PAPPA2: variants seen among roughly 807,000 people sequenced by gnomAD.
PAPPA2 encodes the protein pappalysin-2.
Under a neutral mutation model 176.4 loss-of-function variants are expected in PAPPA2, and 86 were observed. The observed-to-expected ratio is 0.49, with a 90% CI of 0.41 to 0.58. The LOEUF (loss-of-function observed/expected upper bound fraction) is 0.58, where lower values mean the gene tolerates loss of function less well. Ranked by LOEUF, PAPPA2 falls within the 20% of genes least tolerant of loss-of-function variation. The pLI, the probability that PAPPA2 is intolerant of heterozygous loss-of-function variation, is 0.00. For synonymous variants in PAPPA2, 809 were observed against 852.2 expected, an observed-to-expected ratio of 0.95 and a Z score of 0.88; for missense variants, 2,073 against 2,256.9, an observed-to-expected ratio of 0.92 and a Z score of 1.65.
intron 15 of PAPPA2, among the ~76,000 whole-genome samples, 173 bp from the exon 16 acceptor site, chr1:176,769,434 G>A (rs1411348950): frequency 6.6e-6 from 1 of 152,192 alleles, no homozygotes; most frequent in South Asian, 2.1e-4. Context: ...ATCATACTGA[G>A]TGTTGTAAGA....
chr1:176,578,123 C>T (rs1372206865), intron 2 of PAPPA2, among the ~76,000 whole-genome samples: 1 of 152,166 alleles, frequency 6.6e-6, no homozygotes, highest in Non-Finnish European at 1.5e-5. Context: ...TTATCTTCAT[C>T]TTCTGCCACC....
chr1:176,696,544 C>T (rs1660395192), intron 7 of PAPPA2, among the ~76,000 whole-genome samples: 1 of 152,156 alleles, frequency 6.6e-6, no homozygotes, highest in Non-Finnish European at 1.5e-5. Flanking sequence ...GTCACACATT[C>T]ACTCACATAT....
chr1:176,752,728 A>G (rs1663241283), intron 14 of PAPPA2, among the ~76,000 whole-genome samples: 1 of 152,206 alleles, frequency 6.6e-6, no homozygotes, highest in Admixed American at 6.5e-5. Flanking sequence ...AGTCATCCAA[A>G]TGACACAAAT....
chr1:176,482,424 T>C (rs1401733131), intron 1 of PAPPA2, among the ~76,000 whole-genome samples: 1 of 152,220 alleles, frequency 6.6e-6, no homozygotes, highest in East Asian at 1.9e-4. Flanking sequence ...TCATCAATTG[T>C]TTTTACTTCT....
chr1:176,769,514 G>A (rs2102910994), intron 15 of PAPPA2, 93 bp from the exon 16 acceptor site: 1 of 1,340,116 alleles, frequency 7.5e-7, no homozygotes, highest in Non-Finnish European at 1.0e-6. Context: ...TAAATGTTTA[G>A]ACAGATAATC....
rs140336935 is a variant in PAPPA2 at position 176,739,874 on chromosome 1, T to C, written c.3935-106T>C. 71 of 1,564,844 alleles carry C rather than the reference T, an allele frequency of 4.5e-5. 1 individual carries two copies. In the African/African-American group the frequency reaches 7.4e-4, roughly 16 times the overall value. ...TGGGATCTTGCCTACATCATACATC[T>C]AGGTTTTGGCATCATACACCTATTA... is the stretch of plus-strand genomic sequence containing the variant. On this transcript the variant is annotated intron_variant, in intron 13 of 22. Coordinates refer to ENST00000367662, the MANE Select transcript of PAPPA2 (RefSeq NM_020318.3).
At chr1:176,714,674 G>A (rs563094097) in intron 12 of PAPPA2, among the ~76,000 whole-genome samples, 3 of 152,302 alleles carry the variant, frequency 2.0e-5, no homozygotes, top group South Asian at 4.1e-4. Flanking sequence ...ATGTGATACT[G>A]TGGATAGCAA....
At chr1:176,623,576 C>CTCCTTCCTTCCTTCCTTCCTTCCTTCCT (rs200667738) in intron 3 of PAPPA2, among the ~76,000 whole-genome samples, 2 of 84,956 alleles carry the variant, frequency 2.4e-5, no homozygotes, top group African/African-American at 1.3e-4. Context: ...CCTTCCTTCC[C>CTCCTTCCTTCCTTCCTTCCTTCCTTCCT]TCCTTCCTTC....
chr1:176,819,164 T>C (rs1666553454), intron 21 of PAPPA2, among the ~76,000 whole-genome samples: 1 of 152,132 alleles, frequency 6.6e-6, no homozygotes, highest in South Asian at 2.1e-4. Flanking sequence ...GGCATCCACA[T>C]GTCAGGGGGA....
At chr1:176,532,165 C>T (rs1042665705) in intron 1 of PAPPA2, among the ~76,000 whole-genome samples, 10 of 152,190 alleles carry the variant, frequency 6.6e-5, no homozygotes, top group African/African-American at 1.9e-4. Context: ...TCTCTACCTC[C>T]GGTACCTTAG....
At chr1:176,807,150 TA>T (rs1393180087) in intron 21 of PAPPA2, among the ~76,000 whole-genome samples, 2 of 152,214 alleles carry the variant, frequency 1.3e-5, no homozygotes, top group African/African-American at 4.8e-5. Flanking sequence ...GAGTATGTGA[TA>T]AAGGTTAGTC....
intron 14 of PAPPA2, among the ~76,000 whole-genome samples, chr1:176,741,353 G>A (rs1193103129): frequency 6.6e-6 from 1 of 152,172 alleles, no homozygotes; most frequent in Non-Finnish European, 1.5e-5. Context: ...AGTGCTGGCA[G>A]TGAGCATGCT....
At chr1:176,766,435 A>G (rs192654218) in intron 15 of PAPPA2, among the ~76,000 whole-genome samples, 18 of 152,334 alleles carry the variant, frequency 1.2e-4, no homozygotes, top group African/African-American at 3.8e-4. Flanking sequence ...GACTCAGGAG[A>G]CAGATCGGAA....
chr1:176,555,000 TGAGAGAGAGA>T (rs59521055), intron 1 of PAPPA2, among the ~76,000 whole-genome samples: 2 of 145,578 alleles, frequency 1.4e-5, no homozygotes, highest in Non-Finnish European at 3.0e-5. Context: ...TGTGTGTGTG[TGAGAGAGAGA>T]GAGAGAGAGA....
rs541840595 is a variant in PAPPA2, at chr1:176,600,451, C to T, written c.1991+4856C>T. ...CAGCACTTTGGGAGGCCGAGGCGGGCGGATCACGAGGTCAGGAGATCGAGA... is the reference window on the plus strand; with the variant it reads ...CAGCACTTTGGGAGGCCGAGGCGGGTGGATCACGAGGTCAGGAGATCGAGA... On this transcript the variant is annotated intron_variant, in intron 3 of 22. Transcript: ENST00000367662. Among the ~76,000 whole-genome samples the T allele has an allele frequency of 4.1e-3, 620 of 151,714 alleles. 3 individuals carry two copies. Among genetic ancestry groups the T allele is most frequent in the Non-Finnish European group, 6.3e-3 (428 of 67,886 alleles).
intron 14 of PAPPA2, among the ~76,000 whole-genome samples, chr1:176,755,052 G>C (rs1261197807): frequency 6.6e-6 from 1 of 152,066 alleles, no homozygotes; most frequent in South Asian, 2.1e-4. Context: ...AAGCAAATGA[G>C]CCATCAGTGT....
chr1:176,689,177 A>C (rs139326452), intron 4 of PAPPA2, among the ~76,000 whole-genome samples: 100 of 152,280 alleles, frequency 6.6e-4, no homozygotes, highest in Non-Finnish European at 1.2e-3. Flanking sequence ...TTTGGGGTGT[A>C]AACAAGGAAA....
intron 1 of PAPPA2, among the ~76,000 whole-genome samples, chr1:176,552,883 G>A (rs1345805982): frequency 1.3e-5 from 2 of 152,208 alleles, no homozygotes; most frequent in African/African-American, 2.4e-5. Context: ...AAACAGATTC[G>A]ACCAGCTTTC....
Position 176,478,832 on chromosome 1 carries a change from T to C in PAPPA2, c.-917+15414T>C, listed in dbSNP as rs570639240. Among the ~76,000 whole-genome samples, 12 of 152,318 alleles carry C rather than the reference T, an allele frequency of 7.9e-5. No homozygotes were observed. The South Asian group carries it at 2.5e-3, about 32-fold the overall frequency. ...GATGAGGACCAAGTCCTCATTTATATTCATGTATGCAGACCACATTATAAG... is the reference window on the plus strand; with the variant it reads ...GATGAGGACCAAGTCCTCATTTATACTCATGTATGCAGACCACATTATAAG... On this transcript the variant is annotated intron_variant, in intron 1 of 22. Transcript: ENST00000367662.
Sources: gnomAD v4.1 joint callset for allele counts (sites outside exome capture counted in the v4.1 genomes callset) on GRCh38, gnomAD v4.1.1 for gene constraint, MANE v1.5 for transcripts, NCBI Gene and HGNC (gene_info 2026-07-23, HGNC 2026-07-21) for gene names.